The following DLGAP1 variants were observed in gnomAD, a reference collection of about 807,000 sequenced individuals.
DLGAP1 encodes the protein DLG associated protein 1.
DLGAP1 carries 11 observed loss-of-function variants against 90.8 expected under a neutral mutation model. The ratio of observed to expected loss-of-function variants is 0.12; its 90% CI spans 0.08 to 0.20. The LOEUF (loss-of-function observed/expected upper bound fraction) is 0.20, where lower values mean the gene tolerates loss of function less well. Among genes scored for constraint, DLGAP1 ranks in the 10% least tolerant of loss-of-function variants. The pLI, the probability that DLGAP1 is intolerant of heterozygous loss-of-function variation, is 1.00. For synonymous variants in DLGAP1, 558 were observed against 540.7 expected (o/e 1.03, Z -0.44); for missense variants, 1,050 against 1,333.8 (o/e 0.79, Z 3.31).
chr18:3,634,326 C>T (rs2058623525), intron 7 of DLGAP1, among the ~76,000 whole-genome samples: 1 of 151,976 alleles, frequency 6.6e-6, no homozygotes, highest in African/African-American at 2.4e-5. Context: ...TTATAATCTA[C>T]TCCAAAGAAA....
chr18:3,772,166 C>CTCCTTCCTTTCTCTCCT (rs1381664602), intron 5 of DLGAP1, among the ~76,000 whole-genome samples: 2 of 96,392 alleles, frequency 2.1e-5, no homozygotes, highest in East Asian at 2.8e-4. Flanking sequence ...CTTTCTTTCT[C>CTCCTTCCTTTCTCTCCT]TCCTTCCTTT....
rs972286659 is a variant in DLGAP1, at chr18:4,454,785, G to A, written c.-267+221C>T. ...GGCCGGAGAGGACGCGCTCGCCCCCGAGATCCCAGGTTACCCGGAGGGCCC... is the reference window on the plus strand; with the variant it reads ...GGCCGGAGAGGACGCGCTCGCCCCCAAGATCCCAGGTTACCCGGAGGGCCC... On this transcript the variant is annotated intron_variant, in intron 1 of 12. Coordinates refer to ENST00000315677, the MANE Select transcript of DLGAP1 (RefSeq NM_004746.4). The surrounding 1 kb of genome is among the most constrained non-coding windows in gnomAD (Gnocchi z 4.7). Among the ~76,000 whole-genome samples the A allele has an allele frequency of 1.1e-4, 17 of 151,934 alleles. No homozygotes were observed. Among genetic ancestry groups the A allele is most frequent in the Admixed American group, 5.2e-4 (8 of 15,276 alleles).
chr18:4,229,079 C>T (rs557568818), intron 1 of DLGAP1, among the ~76,000 whole-genome samples: 1 of 151,964 alleles, frequency 6.6e-6, no homozygotes, highest in South Asian at 2.1e-4. Flanking sequence ...AATAATTCCA[C>T]TGATAATTGC....
chr18:3,810,352 G>C (rs533974428), intron 5 of DLGAP1, among the ~76,000 whole-genome samples: 1 of 152,252 alleles, frequency 6.6e-6, no homozygotes, highest in South Asian at 2.1e-4. Flanking sequence ...TCGGAAAATA[G>C]AAAAGAAAAG....
At chr18:4,275,364 G>A (rs529229304) in intron 1 of DLGAP1, 1 of 152,232 alleles carries the variant, frequency 6.6e-6, no homozygotes, top group East Asian at 1.9e-4. Flanking sequence ...CTGCTCAAAT[G>A]TTACTTCTCA....
chr18:3,767,889 C>G (rs1186439031), intron 5 of DLGAP1, among the ~76,000 whole-genome samples: 1 of 152,088 alleles, frequency 6.6e-6, no homozygotes, highest in Non-Finnish European at 1.5e-5. Context: ...TCTTATCATG[C>G]TTATTCAAAA....
intron 3 of DLGAP1, among the ~76,000 whole-genome samples, chr18:3,880,878 G>A (rs2071142147): frequency 6.8e-6 from 1 of 147,150 alleles, no homozygotes; most frequent in Admixed American, 6.9e-5. Flanking sequence ...GGGAGGCGGA[G>A]CTTGCAGTGA....
chr18:4,252,801 C>T (rs751854841), intron 1 of DLGAP1, among the ~76,000 whole-genome samples: 46 of 152,212 alleles, frequency 3.0e-4, no homozygotes, highest in African/African-American at 9.9e-4. Flanking sequence ...TTATTTATCG[C>T]CACAGAGCTG....
intron 1 of DLGAP1, among the ~76,000 whole-genome samples, chr18:4,306,033 T>TACACACACAC (rs3041181): frequency 0.07 from 9,890 of 141,954 alleles, 449 homozygotes; most frequent in Non-Finnish European, 0.099. Context: ...CACACACAAA[T>TACACACACAC]ACACACACAC....
In DLGAP1 at chr18:3,526,360, T is replaced by C. The variant is rs151040803; in HGVS notation, c.2479+7834A>G. Among the ~76,000 whole-genome samples the C allele has an allele frequency of 7.7e-3, 1,178 of 152,236 alleles. 19 individuals carry two copies. Among genetic ancestry groups the C allele is most frequent in the African/African-American group, 0.027 (1,106 of 41,534 alleles). On this transcript the variant is annotated intron_variant, in intron 10 of 12. Transcript: ENST00000315677. The surrounding 1 kb of genome is among the most constrained non-coding windows in gnomAD (Gnocchi z 4.7). ...GATAAACCCTGGGTGATGGCACCGA[T>C]AGACCATCACAATGACTGTGCACAG...
chr18:3,519,807 C>A (rs146189987), intron 10 of DLGAP1, among the ~76,000 whole-genome samples: 2 of 152,142 alleles, frequency 1.3e-5, no homozygotes, highest in Non-Finnish European at 2.9e-5. Flanking sequence ...GCAGCCCTCA[C>A]CAGACACACA....
intron 1 of DLGAP1, among the ~76,000 whole-genome samples, chr18:4,277,188 A>G (rs979960971): frequency 2.0e-5 from 3 of 152,218 alleles, no homozygotes; most frequent in Non-Finnish European, 4.4e-5. Context: ...GCGTGTTCCA[A>G]CTGAGGACTG....
chr18:3,593,954 G>C (rs2056424026), intron 7 of DLGAP1: 1 of 150,962 alleles, frequency 6.6e-6, no homozygotes, highest in Non-Finnish European at 1.5e-5. Context: ...GTTTTGCACA[G>C]TGCATGTACT....
chr18:3,601,174 C>A (rs994511106), intron 7 of DLGAP1, among the ~76,000 whole-genome samples: 1 of 151,850 alleles, frequency 6.6e-6, no homozygotes, highest in African/African-American at 2.4e-5. Context: ...GCAACCTCCA[C>A]TTCCCGGGCT....
intron 7 of DLGAP1, among the ~76,000 whole-genome samples, chr18:3,714,320 C>A (rs2061688576): frequency 6.6e-6 from 1 of 151,878 alleles, no homozygotes; most frequent in Non-Finnish European, 1.5e-5. Context: ...AAACTACATG[C>A]TGTTTTGAAT....
At chr18:4,271,218 T>C (rs1190153039) in intron 1 of DLGAP1, among the ~76,000 whole-genome samples, 1 of 152,182 alleles carries the variant, frequency 6.6e-6, no homozygotes, top group Non-Finnish European at 1.5e-5. Context: ...ATTTAATTGG[T>C]CTGTGGTGAG....
chr18:4,107,071 G>A (rs930016594), intron 2 of DLGAP1, among the ~76,000 whole-genome samples: 12 of 152,222 alleles, frequency 7.9e-5, no homozygotes, highest in Non-Finnish European at 1.8e-4. Flanking sequence ...AAGCCACGCG[G>A]CTTAATAAAA....
intron 7 of DLGAP1, among the ~76,000 whole-genome samples, chr18:3,669,776 G>C (rs902644984): frequency 6.6e-6 from 1 of 152,140 alleles, no homozygotes; most frequent in Non-Finnish European, 1.5e-5. Context: ...AGTTCTTCCG[G>C]TGCACCAAGG....
intron 2 of DLGAP1, among the ~76,000 whole-genome samples, chr18:4,089,734 A>G (rs758897320): frequency 6.6e-6 from 1 of 152,248 alleles, no homozygotes; most frequent in Non-Finnish European, 1.5e-5. Context: ...GGCTAGCCAT[A>G]TGTAGAAAAT....
Sources: allele counts gnomAD v4.1 joint callset (sites outside exome capture counted in the v4.1 genomes callset), GRCh38; gene constraint gnomAD v4.1.1; non-coding constraint Gnocchi (gnomAD v3.1); transcripts MANE v1.5; gene names NCBI Gene and HGNC (gene_info 2026-07-23, HGNC 2026-07-21).